Variants in DCC observed in about 807,000 individuals in gnomAD.
DCC encodes DCC netrin 1 receptor.
In DCC, 58 loss-of-function variants were observed where a neutral mutation model predicts 172.5. The observed-to-expected ratio is 0.34, with a 90% CI of 0.27 to 0.42. The LOEUF is 0.42. Among genes scored for constraint, DCC ranks in the 10% least tolerant of loss-of-function variants. The pLI is 1.00. For synonymous variants in DCC, 709 were observed against 644.5 expected, an observed-to-expected ratio of 1.10 and a Z score of -1.52; for missense variants, 1,740 against 1,791.0, an observed-to-expected ratio of 0.97 and a Z score of 0.51.
intron 5 of DCC, among the ~76,000 whole-genome samples, chr18:53,031,534 G>A (rs182888315): frequency 1.6e-4 from 25 of 152,032 alleles, no homozygotes; most frequent in South Asian, 2.1e-4. Context: ...TGACTTTGCT[G>A]TATATCTGCA....
chr18:52,566,242 A>T (rs901354463), intron 1 of DCC, among the ~76,000 whole-genome samples: 11 of 152,138 alleles, frequency 7.2e-5, no homozygotes, highest in African/African-American at 2.7e-4. Flanking sequence ...GGAAACCATA[A>T]TTCTCAGCAA....
intron 2 of DCC, among the ~76,000 whole-genome samples, chr18:52,871,322 C>CTTTT (rs77020050): frequency 6.9e-6 from 1 of 145,498 alleles, no homozygotes; most frequent in African/African-American, 2.5e-5. Flanking sequence ...AGAACAGTGT[C>CTTTT]TTTTTTTTTT....
chr18:52,609,421 G>A (rs2034203380), intron 1 of DCC, among the ~76,000 whole-genome samples: 1 of 77,180 alleles, frequency 1.3e-5, no homozygotes, highest in Non-Finnish European at 3.3e-5. Flanking sequence ...GGTGGCTTAA[G>A]CAACATTCAC....
chr18:53,389,437 C>G (rs758023016), intron 16 of DCC, among the ~76,000 whole-genome samples: 32 of 152,178 alleles, frequency 2.1e-4, no homozygotes, highest in Non-Finnish European at 3.4e-4. Context: ...TGGAAATGCT[C>G]TATATCTGCA....
At chr18:53,011,495 T>C (rs2143880319) in intron 5 of DCC, among the ~76,000 whole-genome samples, 1 of 151,894 alleles carries the variant, frequency 6.6e-6, no homozygotes, top group East Asian at 1.9e-4. Context: ...ATGCCTTGTA[T>C]AGCTTAAAGA....
At chr18:53,027,532 T>A (rs1364939324) in intron 5 of DCC, among the ~76,000 whole-genome samples, 1 of 152,162 alleles carries the variant, frequency 6.6e-6, no homozygotes, top group Non-Finnish European at 1.5e-5. Context: ...ATGTCAGTGC[T>A]CTGACAAAAG....
intron 1 of DCC, among the ~76,000 whole-genome samples, chr18:52,584,760 G>A (rs1315898714): frequency 6.7e-6 from 1 of 149,120 alleles, no homozygotes; most frequent in African/African-American, 2.5e-5. Context: ...GACTGGTCTC[G>A]AGCTCCTGGC....
intron 1 of DCC, among the ~76,000 whole-genome samples, chr18:52,398,319 C>T (rs1986309410): frequency 6.6e-6 from 1 of 151,930 alleles, no homozygotes; most frequent in Non-Finnish European, 1.5e-5. Flanking sequence ...CTTTTCTCTC[C>T]TTTCAAATTT....
chr18:53,296,564 G>A (rs1327389390), intron 12 of DCC, among the ~76,000 whole-genome samples: 3 of 152,176 alleles, frequency 2.0e-5, no homozygotes, highest in African/African-American at 7.2e-5. Flanking sequence ...TGAGAGTAGA[G>A]GCTGGGGCGC....
intron 12 of DCC, among the ~76,000 whole-genome samples, chr18:53,300,587 A>G (rs1368189380): frequency 6.6e-6 from 1 of 152,218 alleles, no homozygotes; most frequent in East Asian, 1.9e-4. Context: ...ATCATTAAAT[A>G]GAAACACACA....
chr18:52,936,096 A>T (rs983479484), intron 5 of DCC, among the ~76,000 whole-genome samples: 6 of 152,168 alleles, frequency 3.9e-5, no homozygotes, highest in African/African-American at 1.4e-4. Context: ...TGTAGGATAC[A>T]GGTGTGTAAT....
chr18:52,528,405 T>G (rs749989624), intron 1 of DCC, among the ~76,000 whole-genome samples: 1 of 152,174 alleles, frequency 6.6e-6, no homozygotes, highest in African/African-American at 2.4e-5. Context: ...AAGATACATA[T>G]GAAAATAAGG....
chr18:52,364,447 C>T (rs1414565659), intron 1 of DCC, among the ~76,000 whole-genome samples: 3 of 152,188 alleles, frequency 2.0e-5, no homozygotes, highest in Admixed American at 6.5e-5. Flanking sequence ...AATTATATTG[C>T]ATATGCTGGC....
chr18:52,822,266 A>G, intron 2 of DCC, among the ~76,000 whole-genome samples: 1 of 152,174 alleles, frequency 6.6e-6, no homozygotes, highest in East Asian at 1.9e-4. Context: ...AGGCAATACC[A>G]CTGAAATGCA....
At chr18:52,551,314 T>A (rs1055279437) in intron 1 of DCC, among the ~76,000 whole-genome samples, 1 of 151,974 alleles carries the variant, frequency 6.6e-6, no homozygotes, top group Non-Finnish European at 1.5e-5. Flanking sequence ...GAATCATACT[T>A]CTGAAATATT....
intron 1 of DCC, among the ~76,000 whole-genome samples, chr18:52,539,557 T>C (rs374156808): frequency 2.3e-4 from 35 of 152,284 alleles, no homozygotes; most frequent in Admixed American, 1.3e-3. Context: ...CCAGGTTGAG[T>C]GCATCTTATG....
At chr18:53,292,724 C>T (rs898378130) in intron 12 of DCC, among the ~76,000 whole-genome samples, 1 of 152,148 alleles carries the variant, frequency 6.6e-6, no homozygotes, top group East Asian at 1.9e-4. Context: ...AACAAAAAAA[C>T]AAATCTTTGC....
chr18:53,260,096 C>T (rs909418401), intron 12 of DCC, among the ~76,000 whole-genome samples: 1 of 152,072 alleles, frequency 6.6e-6, no homozygotes, highest in African/African-American at 2.4e-5. Context: ...TTCTAGTTAT[C>T]CATTTGTCTA....
At chr18:52,926,820 TATATAC>T (rs1266511957) in intron 5 of DCC, among the ~76,000 whole-genome samples, 1 of 128,542 alleles carries the variant, frequency 7.8e-6, no homozygotes, top group Non-Finnish European at 1.6e-5. Context: ...TGTGTGTGTA[TATATAC>T]ATATACATAC....
Sources: allele counts gnomAD v4.1 joint callset (sites outside exome capture counted in the v4.1 genomes callset), GRCh38; gene constraint gnomAD v4.1.1; transcripts MANE v1.5; gene names NCBI Gene and HGNC (gene_info 2026-07-23, HGNC 2026-07-21).